Variants in AGMO observed in about 807,000 individuals in gnomAD.
AGMO encodes glyceryl-ether monooxygenase.
In AGMO, 75 loss-of-function variants were observed where a neutral mutation model predicts 60.2. The ratio of observed to expected loss-of-function variants is 1.25; its 90% CI spans 1.03 to 1.51. The LOEUF is 1.51. Ranked by LOEUF, AGMO falls within the 40% of genes most tolerant of loss-of-function variation. The pLI is 0.00. For synonymous variants in AGMO, 261 were observed against 177.1 expected (o/e 1.47, Z -3.76); for missense variants, 763 against 525.5 (o/e 1.45, Z -4.42).
At chr7:15,432,341 T>TACATAC (rs1215520333) in intron 3 of AGMO, among the ~76,000 whole-genome samples, 11 of 134,272 alleles carry the variant, frequency 8.2e-5, no homozygotes, top group Middle Eastern at 8.8e-3. Flanking sequence ...TATATATATA[T>TACATAC]ATATACATAC....
chr7:15,452,988 G>T (rs1351275139), intron 3 of AGMO, among the ~76,000 whole-genome samples: 1 of 152,144 alleles, frequency 6.6e-6, no homozygotes, highest in Non-Finnish European at 1.5e-5. Flanking sequence ...TATCGTGAAT[G>T]ATTTCATTTA....
chr7:15,167,342 A>C, the AGMO span, among the ~76,000 whole-genome samples: 1 of 152,160 alleles, frequency 6.6e-6, no homozygotes, highest in Non-Finnish European at 1.5e-5. Context: ...AATATCTCTA[A>C]AATTAAGAAA....
intron 10 of AGMO, among the ~76,000 whole-genome samples, chr7:15,366,867 G>C (rs541197652): frequency 1.2e-4 from 18 of 151,980 alleles, no homozygotes; most frequent in Admixed American, 2.6e-4. Context: ...GAAAGAATGA[G>C]TACTATCTTT....
At chr7:15,420,704 T>C (rs1780899869) in intron 4 of AGMO, among the ~76,000 whole-genome samples, 1 of 152,156 alleles carries the variant, frequency 6.6e-6, no homozygotes, top group African/African-American at 2.4e-5. Flanking sequence ...GCCACTTCCA[T>C]TATAAATCTT....
intron 12 of AGMO, among the ~76,000 whole-genome samples, chr7:15,269,168 C>T (rs1783521853): frequency 6.6e-6 from 1 of 152,048 alleles, no homozygotes; most frequent in Admixed American, 6.6e-5. Context: ...TCCAATAAAA[C>T]TGTATTTATA....
At chr7:15,272,865 T>C (rs1432221027) in intron 12 of AGMO, among the ~76,000 whole-genome samples, 2 of 152,198 alleles carry the variant, frequency 1.3e-5, no homozygotes, top group African/African-American at 4.8e-5. Flanking sequence ...GTGGTTTTGA[T>C]TTGCATTTCT....
intron 5 of AGMO, chr7:15,396,537 A>C (rs10239177): frequency 1.3e-4 from 20 of 152,254 alleles, no homozygotes; most frequent in African/African-American, 4.8e-4. Flanking sequence ...GAGCAAAAGA[A>C]CAAAGCTACC....
intron 3 of AGMO, among the ~76,000 whole-genome samples, chr7:15,499,134 A>T (rs1430431927): frequency 3.3e-5 from 5 of 151,910 alleles, no homozygotes; most frequent in Non-Finnish European, 7.4e-5. Flanking sequence ...AGGGAATGAT[A>T]GATAAAAACT....
chr7:15,553,193 G>C (rs1344413117), intron 2 of AGMO, among the ~76,000 whole-genome samples: 3 of 151,422 alleles, frequency 2.0e-5, no homozygotes, highest in African/African-American at 4.8e-5. Flanking sequence ...AGGGGGGAGG[G>C]ATAGCATTGG....
At chr7:15,468,235 T>G (rs1392287733) in intron 3 of AGMO, among the ~76,000 whole-genome samples, 1 of 152,202 alleles carries the variant, frequency 6.6e-6, no homozygotes, top group Admixed American at 6.6e-5. Context: ...TTCTTACAAG[T>G]GGCAACACTA....
At chr7:15,559,894 C>G (rs1176219669) in intron 2 of AGMO, among the ~76,000 whole-genome samples, 1 of 151,896 alleles carries the variant, frequency 6.6e-6, no homozygotes, top group Non-Finnish European at 1.5e-5. Context: ...CTCAATAAGG[C>G]AAATGAAGCA....
intron 3 of AGMO, among the ~76,000 whole-genome samples, chr7:15,511,266 T>A (rs1783665095): frequency 6.6e-6 from 1 of 152,052 alleles, no homozygotes; most frequent in Admixed American, 6.6e-5. Context: ...GTGAACCTAA[T>A]GAGCACATCT....
intron 12 of AGMO, among the ~76,000 whole-genome samples, chr7:15,225,693 G>T (rs7778853): frequency 6.6e-6 from 1 of 151,606 alleles, no homozygotes; most frequent in Non-Finnish European, 1.5e-5. Context: ...ACTCATGGCA[G>T]AATAAAAACT....
At chr7:15,273,464 T>C (rs1000434668) in intron 12 of AGMO, among the ~76,000 whole-genome samples, 5 of 152,116 alleles carry the variant, frequency 3.3e-5, no homozygotes, top group African/African-American at 1.2e-4. Flanking sequence ...GGGCTTTGTT[T>C]TGTTCCACTG....
intron 12 of AGMO, among the ~76,000 whole-genome samples, chr7:15,213,296 T>A (rs1362800810): frequency 1.3e-5 from 2 of 151,868 alleles, no homozygotes; most frequent in Non-Finnish European, 2.9e-5. Context: ...TGGACTCTCA[T>A]CCTTTGGGTC....
the AGMO span, among the ~76,000 whole-genome samples, chr7:15,138,050 T>G: frequency 1.3e-5 from 2 of 152,130 alleles, no homozygotes; most frequent in Non-Finnish European, 2.9e-5. Context: ...AATGATACTG[T>G]ACACCAACTT....
At chr7:15,553,517 A>G (rs1292807741) in intron 2 of AGMO, among the ~76,000 whole-genome samples, 1 of 152,024 alleles carries the variant, frequency 6.6e-6, no homozygotes, top group Non-Finnish European at 1.5e-5. Flanking sequence ...TGCCAGGCAC[A>G]GCACAAGACA....
chr7:15,478,998 G>A (rs1017386191), intron 3 of AGMO, among the ~76,000 whole-genome samples: 6 of 152,034 alleles, frequency 3.9e-5, no homozygotes, highest in Non-Finnish European at 5.9e-5. Context: ...GAAGATAAAC[G>A]AGCTAATAAA....
intron 3 of AGMO, among the ~76,000 whole-genome samples, chr7:15,491,485 C>G (rs1273352612): frequency 6.6e-6 from 1 of 152,070 alleles, no homozygotes; most frequent in Non-Finnish European, 1.5e-5. Context: ...AAGTATAGTA[C>G]TTATTATGTG....
Sources: allele counts gnomAD v4.1 joint callset (sites outside exome capture counted in the v4.1 genomes callset), GRCh38; gene constraint gnomAD v4.1.1; transcripts MANE v1.5; gene names NCBI Gene and HGNC (gene_info 2026-07-23, HGNC 2026-07-21).